Variants in GRID1 observed in about 807,000 individuals in gnomAD.
The protein encoded by GRID1 is glutamate receptor ionotropic, delta-1.
Under a neutral mutation model 98.0 loss-of-function variants are expected in GRID1, and 28 were observed. The observed-to-expected ratio is 0.29, with a 90% CI of 0.21 to 0.39. GRID1 has a LOEUF of 0.39. GRID1 is among the 10% of genes least tolerant of loss of function. The pLI is 1.00. For synonymous variants in GRID1, 553 were observed against 538.5 expected (o/e 1.03, Z -0.37); for missense variants, 1,111 against 1,340.5 (o/e 0.83, Z 2.67).
intron 2 of GRID1, among the ~76,000 whole-genome samples, chr10:86,228,288 G>A (rs58833342): frequency 0.01 from 1,470 of 144,622 alleles, 33 homozygotes; most frequent in African/African-American, 0.036. Context: ...GAGTGAATGG[G>A]GGTGGCTTGG....
At chr10:86,118,975 T>C (rs1844627444) in intron 4 of GRID1, among the ~76,000 whole-genome samples, 1 of 152,096 alleles carries the variant, frequency 6.6e-6, no homozygotes, top group African/African-American at 2.4e-5. Context: ...TGACAACTAA[T>C]GCAATGTGGT....
intron 8 of GRID1, among the ~76,000 whole-genome samples, chr10:85,842,165 TC>T (rs1188619133): frequency 6.6e-6 from 1 of 152,070 alleles, no homozygotes; most frequent in African/African-American, 2.4e-5. Context: ...CAAGATCATG[TC>T]CCTTGCAAGG....
At chr10:85,863,125 A>G (rs1407905143) in intron 6 of GRID1, among the ~76,000 whole-genome samples, 2 of 152,210 alleles carry the variant, frequency 1.3e-5, no homozygotes, top group South Asian at 2.1e-4. Flanking sequence ...CACTGTAACA[A>G]AAAAACACAG....
At chr10:85,608,470 G>A (rs1273924359) in intron 15 of GRID1, among the ~76,000 whole-genome samples, 1 of 152,196 alleles carries the variant, frequency 6.6e-6, no homozygotes, top group Non-Finnish European at 1.5e-5. Context: ...TTCTTTACGG[G>A]AGTCTTGACT....
At chr10:85,844,096 T>C (rs1347479221) in intron 8 of GRID1, among the ~76,000 whole-genome samples, 4 of 152,116 alleles carry the variant, frequency 2.6e-5, no homozygotes, top group Non-Finnish European at 2.9e-5. Flanking sequence ...AGAGAAACTC[T>C]TGACACATGC....
At chr10:86,298,874 T>A (rs979081159) in intron 2 of GRID1, among the ~76,000 whole-genome samples, 3 of 152,154 alleles carry the variant, frequency 2.0e-5, no homozygotes, top group African/African-American at 7.2e-5. Flanking sequence ...AATGGTTTGT[T>A]CACCACTCAC....
intron 2 of GRID1, among the ~76,000 whole-genome samples, chr10:86,319,067 T>C (rs1460605335): frequency 6.6e-6 from 1 of 152,036 alleles, no homozygotes; most frequent in East Asian, 1.9e-4. Context: ...TGGGGGGAAC[T>C]GGGAGTGCAA....
Position 85,869,316 on chromosome 10 carries a change from G to A in GRID1, c.781-136C>T, listed in dbSNP as rs1265857159. On this transcript the variant is annotated intron_variant, in intron 5 of 15. Transcript: ENST00000327946. ...CAAGGGATTGGGCCCAGGTCACACA[G>A]TTCATTAGTTGCTTATTCACAAATA... 4.4e-6 allele frequency: 3 copies of A among 679,360 alleles called. No homozygotes were observed. In the African/African-American group the frequency reaches 5.3e-5, roughly 12 times the overall value. 42.1% of individuals were successfully genotyped at this position (679,360 alleles called of 1,614,324 possible).
chr10:85,917,648 G>A lies in GRID1; in HGVS notation c.727-1409C>T, dbSNP rs114926324. On this transcript the variant is annotated intron_variant, in intron 4 of 15. Transcript: ENST00000327946. ...TGGAGGTGTCGGGGCCTGTGCCAAC[G>A]ACCCCACAAATGACCCTAGGTCTGC... is the stretch of plus-strand genomic sequence containing the variant. Among the ~76,000 whole-genome samples the A allele has an allele frequency of 5.9e-3, 900 of 152,284 alleles. 8 individuals carry two copies. Among genetic ancestry groups the A allele is most frequent in the African/African-American group, 0.021 (854 of 41,548 alleles).
intron 5 of GRID1, among the ~76,000 whole-genome samples, chr10:85,880,845 A>G (rs1374842229): frequency 6.6e-6 from 1 of 152,236 alleles, no homozygotes; most frequent in Non-Finnish European, 1.5e-5. Context: ...CCCTGTTTGC[A>G]GATAACATGA....
rs547176395 is a variant in GRID1, at chr10:86,212,170, A to C, written c.236-5522T>G. ...AATACCCCAGAAGGCATGTGTTAGAAGAGACCCACGGTTCCTGGTGCCACC... is the reference window on the plus strand; with the variant it reads ...AATACCCCAGAAGGCATGTGTTAGACGAGACCCACGGTTCCTGGTGCCACC... On this transcript the variant is annotated intron_variant, in intron 2 of 15. Transcript: ENST00000327946. Among the ~76,000 whole-genome samples the C allele has an allele frequency of 3.9e-5, 6 of 152,346 alleles. No individual in the cohort carries two copies. The South Asian group carries it at 6.2e-4, about 16-fold the overall frequency.
intron 8 of GRID1, among the ~76,000 whole-genome samples, chr10:85,809,577 A>G (rs1842652400): frequency 6.6e-6 from 1 of 152,268 alleles, no homozygotes; most frequent in Non-Finnish European, 1.5e-5. Flanking sequence ...GAGTGCTATC[A>G]GCAAGATGGG....
intron 4 of GRID1, among the ~76,000 whole-genome samples, chr10:86,056,422 G>T (rs367643958): frequency 6.6e-6 from 1 of 152,206 alleles, no homozygotes; most frequent in Non-Finnish European, 1.5e-5. Context: ...GAACAAGGAA[G>T]AATTGTCCTT....
intron 4 of GRID1, among the ~76,000 whole-genome samples, chr10:86,079,282 C>A (rs1370851935): frequency 6.6e-6 from 1 of 152,208 alleles, no homozygotes; most frequent in Non-Finnish European, 1.5e-5. Flanking sequence ...GCTGATTACC[C>A]TTTGAACACA....
intron 2 of GRID1, among the ~76,000 whole-genome samples, chr10:86,299,039 AC>A (rs1847639202): frequency 6.6e-6 from 1 of 150,862 alleles, no homozygotes; most frequent in African/African-American, 2.4e-5. Context: ...ATTCCATTCC[AC>A]CCCCACCCGG....
At chr10:86,289,860 T>C (rs1847488141) in intron 2 of GRID1, among the ~76,000 whole-genome samples, 1 of 152,204 alleles carries the variant, frequency 6.6e-6, no homozygotes, top group Admixed American at 6.5e-5. Context: ...ACAGGGACTC[T>C]TACTTGTGCT....
At chr10:85,704,424 C>T (rs554146970) in intron 12 of GRID1, among the ~76,000 whole-genome samples, 7 of 152,164 alleles carry the variant, frequency 4.6e-5, no homozygotes, top group Non-Finnish European at 8.8e-5. Context: ...GCTAACTATC[C>T]TAAATATATA....
At chr10:86,124,739 A>G (rs1844725963) in intron 4 of GRID1, among the ~76,000 whole-genome samples, 1 of 152,214 alleles carries the variant, frequency 6.6e-6, no homozygotes, top group South Asian at 2.1e-4. Flanking sequence ...AGCCTAGTCC[A>G]TATTCACTGC....
chr10:85,602,707 G>T lies in GRID1; in HGVS notation c.2602-6C>A. On this transcript the variant is annotated splice_polypyrimidine_tract_variant and splice_region_variant and intron_variant, in intron 15 of 15. Transcript: ENST00000327946. ...TCCAAGTTCACTTCTTTGTCCTGGA[G>T]GGAAGGCATAGGAAGGTCAGGTGGA... 1 of 1,605,810 alleles carries T rather than the reference G, an allele frequency of 6.2e-7. No homozygotes were observed. The highest frequency in any genetic ancestry group is 8.5e-7 in the Non-Finnish European group (1 of 1,175,138).
Sources: allele counts gnomAD v4.1 joint callset (sites outside exome capture counted in the v4.1 genomes callset), GRCh38; gene constraint gnomAD v4.1.1; transcripts MANE v1.5; gene names NCBI Gene and HGNC (gene_info 2026-07-23, HGNC 2026-07-21).